The following RAB11FIP3 variants were observed in gnomAD, a reference collection of about 807,000 sequenced individuals.
The protein encoded by RAB11FIP3 is RAB11 family interacting protein 3, also known as rab11 family-interacting protein 3.
RAB11FIP3 carries 17 observed loss-of-function variants against 77.8 expected under a neutral mutation model. The observed-to-expected ratio is 0.22, with a 90% confidence interval of 0.15 to 0.33. The LOEUF (loss-of-function observed/expected upper bound fraction) is 0.33, where lower values mean the gene tolerates loss of function less well. RAB11FIP3 is among the 10% of genes least tolerant of loss of function. The pLI is 1.00. For synonymous variants in RAB11FIP3, 437 were observed against 448.2 expected, an observed-to-expected ratio of 0.98 and a Z score of 0.31; for missense variants, 1,005 against 1,011.2, an observed-to-expected ratio of 0.99 and a Z score of 0.08.
intron 1 of RAB11FIP3, among the ~76,000 whole-genome samples, chr16:456,817 T>G (rs983291948): frequency 2.6e-5 from 4 of 152,078 alleles, no homozygotes; most frequent in African/African-American, 7.2e-5. Context: ...CGAGCACTTG[T>G]TGGGAACAGC....
rs115083298 is a variant in RAB11FIP3, at chr16:450,648, T to G, written c.715-10756T>G. Among the ~76,000 whole-genome samples the G allele has an allele frequency of 4.7e-3, 708 of 152,212 alleles. 2 individuals carry two copies. Among genetic ancestry groups the G allele is most frequent in the African/African-American group, 0.016 (668 of 41,558 alleles). Reference sequence around the variant, plus strand: ...TGGCGAATGAGGGCCCCACTTCTCTTTTTTGTACAGGGAAGGGACCGAGGA... The same window carrying G: ...TGGCGAATGAGGGCCCCACTTCTCTGTTTTGTACAGGGAAGGGACCGAGGA... On this transcript the variant is annotated intron_variant, in intron 1 of 13. Transcript: ENST00000262305.
chr16:495,273 C>G (rs568920919), intron 5 of RAB11FIP3, among the ~76,000 whole-genome samples: 1 of 151,990 alleles, frequency 6.6e-6, no homozygotes, highest in Non-Finnish European at 1.5e-5. Flanking sequence ...CACCCAGGGC[C>G]GGGGCAGAGC....
At chr16:489,909 G>A (rs768598141) in intron 5 of RAB11FIP3, among the ~76,000 whole-genome samples, 5 of 152,196 alleles carry the variant, frequency 3.3e-5, no homozygotes, top group Admixed American at 1.3e-4. Flanking sequence ...CCCGGCGAGC[G>A]TCCTGGGAGA....
intron 9 of RAB11FIP3, 46 bp downstream of exon 9, chr16:510,846 G>T: frequency 1.9e-6 from 3 of 1,595,200 alleles, no homozygotes; most frequent in Non-Finnish European, 2.6e-6. Flanking sequence ...CTGCAGGCCA[G>T]GTAGGAGACG....
intron 1 of RAB11FIP3, among the ~76,000 whole-genome samples, chr16:439,575 G>A (rs1189577996): frequency 1.3e-5 from 2 of 152,192 alleles, no homozygotes; most frequent in Non-Finnish European, 2.9e-5. Context: ...CAAAATCTGA[G>A]ACAGATCTCA....
At chr16:496,179 T>C (rs1159083427) in intron 5 of RAB11FIP3, among the ~76,000 whole-genome samples, 3 of 152,082 alleles carry the variant, frequency 2.0e-5, no homozygotes, top group Non-Finnish European at 4.4e-5. Context: ...GGGGTGAGGG[T>C]GTCTTCCTGC....
chr16:475,163 G>A (rs1262797691), intron 3 of RAB11FIP3: 2 of 1,490,064 alleles, frequency 1.3e-6, no homozygotes, highest in African/African-American at 1.4e-5. Context: ...GAGAGGCTCA[G>A]GGAAGAAGGA....
chr16:473,677 C>T (rs1242742572), intron 3 of RAB11FIP3, among the ~76,000 whole-genome samples: 5 of 152,038 alleles, frequency 3.3e-5, no homozygotes, highest in South Asian at 2.1e-4. Flanking sequence ...TGAGTTCAAG[C>T]GATCCACCCG....
At chr16:464,285 A>G (rs1046257386) in intron 2 of RAB11FIP3, among the ~76,000 whole-genome samples, 10 of 152,196 alleles carry the variant, frequency 6.6e-5, no homozygotes, top group Admixed American at 3.9e-4. Context: ...TCTAACTGAT[A>G]AGCTGCAACC....
chr16:520,532 A>G lies in RAB11FIP3; in HGVS notation c.2090A>G (p.Lys697Arg). Residue 697 changes from lysine (K) to arginine (R), a missense_variant, in exon 13 of 14, where the codon AAG (lysine) becomes AGG (arginine). By Grantham distance (26) the Lys-to-Arg change is conservative. Transcript: ENST00000262305. ...ATTACCCTCAGCATCCAGGGCGCCA[A>G]GAGCCTCTTCTCCACAGCCTTCTCT... ...QIITLSIQGA[K>R]SLFSTAFSES... 1.2e-6 allele frequency: 2 copies of G among 1,613,738 alleles called. No individual in the cohort carries two copies. Among genetic ancestry groups the G allele is most frequent in the South Asian group, 1.1e-5 (1 of 91,090 alleles).
At chr16:446,100 T>C (rs2055312458) in intron 1 of RAB11FIP3, among the ~76,000 whole-genome samples, 2 of 152,044 alleles carry the variant, frequency 1.3e-5, no homozygotes, top group Admixed American at 1.3e-4. Flanking sequence ...AAGATCACCC[T>C]GGGTGCTGGG....
At chr16:488,812 C>T in intron 4 of RAB11FIP3, 39 bp from the exon 5 acceptor site, 1 of 1,597,678 alleles carries the variant, frequency 6.3e-7, no homozygotes, top group Non-Finnish European at 8.6e-7. Flanking sequence ...GGTGCCCTGG[C>T]CTTCAGTCAG....
At chr16:448,642 AG>A in intron 1 of RAB11FIP3, among the ~76,000 whole-genome samples, 1 of 151,364 alleles carries the variant, frequency 6.6e-6, no homozygotes, top group Non-Finnish European at 1.5e-5. Flanking sequence ...AGGCTGAGGC[AG>A]GAGAATGGCG....
intron 2 of RAB11FIP3, among the ~76,000 whole-genome samples, chr16:464,468 G>T (rs1187007246): frequency 1.3e-5 from 2 of 152,188 alleles, no homozygotes; most frequent in Non-Finnish European, 1.5e-5. Context: ...CTTCTGGAAA[G>T]TCTGGTTCTC....
intron 3 of RAB11FIP3, chr16:474,889 G>C: frequency 6.7e-7 from 1 of 1,492,430 alleles, no homozygotes. Flanking sequence ...TTTCTCCTAG[G>C]TGGTGATGTG....
chr16:430,119 G>C (rs947472377), intron 1 of RAB11FIP3, among the ~76,000 whole-genome samples: 5 of 152,114 alleles, frequency 3.3e-5, no homozygotes, highest in African/African-American at 9.7e-5. Flanking sequence ...TTTATAGTCA[G>C]ATGTGTCCAG....
chr16:518,098 GA>G (rs1383482456), intron 9 of RAB11FIP3, among the ~76,000 whole-genome samples: 1 of 152,162 alleles, frequency 6.6e-6, no homozygotes, highest in African/African-American at 2.4e-5. Context: ...TAAATAAATA[GA>G]TACAGGATCT....
chr16:437,570 CAAAAAA>C (rs34184576), intron 1 of RAB11FIP3, among the ~76,000 whole-genome samples: 32 of 58,984 alleles, frequency 5.4e-4, no homozygotes, highest in Admixed American at 2.4e-3. Flanking sequence ...AACTCCATCT[CAAAAAA>C]AAAAAAAAAA....
At chr16:448,699 G>A (rs536933572) in intron 1 of RAB11FIP3, among the ~76,000 whole-genome samples, 27 of 143,040 alleles carry the variant, frequency 1.9e-4, no homozygotes, top group African/African-American at 6.9e-4. Context: ...TGGTGCCACT[G>A]CACTCCAGCC....
Sources: allele counts gnomAD v4.1 joint callset (sites outside exome capture counted in the v4.1 genomes callset), GRCh38; gene constraint gnomAD v4.1.1; transcripts MANE v1.5; gene names NCBI Gene and HGNC (gene_info 2026-07-23, HGNC 2026-07-21).